FYTTD1: variants seen among roughly 807,000 people sequenced by gnomAD.
FYTTD1 encodes UAP56-interacting factor.
In FYTTD1, 22 loss-of-function variants were observed where a neutral mutation model predicts 40.9. The ratio of observed to expected loss-of-function variants is 0.54; its 90% CI spans 0.38 to 0.77. The LOEUF is 0.77. Ranked by LOEUF, FYTTD1 falls within the 30% of genes least tolerant of loss-of-function variation. FYTTD1 has a pLI of 0.00. For missense variants in FYTTD1, 351 were observed against 392.2 expected (o/e 0.90, Z 0.89); for synonymous variants, 140 against 137.9 (o/e 1.01, Z -0.10).
chr3:197,757,609 CA>C (rs1029643010), intron 2 of FYTTD1, among the ~76,000 whole-genome samples: 1 of 152,092 alleles, frequency 6.6e-6, no homozygotes, highest in African/African-American at 2.4e-5. Flanking sequence ...ACCCTGTCTC[CA>C]CAAAAAATTT....
intron 2 of FYTTD1, among the ~76,000 whole-genome samples, chr3:197,757,264 CTA>C (rs1473229804): frequency 6.6e-6 from 1 of 152,142 alleles, no homozygotes; most frequent in African/African-American, 2.4e-5. Context: ...TAATTGAACA[CTA>C]ATATATATGG....
chr3:197,764,778 T>C (rs1301735692), intron 2 of FYTTD1, among the ~76,000 whole-genome samples: 2 of 147,910 alleles, frequency 1.4e-5, no homozygotes, highest in Non-Finnish European at 1.5e-5. Flanking sequence ...GAAAGATTGA[T>C]AAGTATGGGA....
intron 1 of FYTTD1, chr3:197,750,341 CCGAAGGTT>C: frequency 1.1e-5 from 13 of 1,145,502 alleles, no homozygotes; most frequent in Non-Finnish European, 1.4e-5. Context: ...CGCTGCGGGC[CCGAAGGTT>C]CGCAGGGTCG....
intron 6 of FYTTD1, among the ~76,000 whole-genome samples, chr3:197,775,078 TTTTC>T (rs1428979862): frequency 2.0e-5 from 3 of 152,204 alleles, no homozygotes; most frequent in African/African-American, 7.2e-5. Context: ...TGAAACAGCT[TTTTC>T]TTTTTCTTTT....
intron 8 of FYTTD1, 85 bp downstream of exon 8, chr3:197,778,549 A>G: frequency 1.0e-6 from 1 of 955,094 alleles, no homozygotes; most frequent in Non-Finnish European, 1.6e-6. Flanking sequence ...TGAATTATAA[A>G]CAAGGTATCC....
chr3:197,762,959 T>C (rs1417670596), intron 2 of FYTTD1, among the ~76,000 whole-genome samples: 1 of 152,150 alleles, frequency 6.6e-6, no homozygotes, highest in Non-Finnish European at 1.5e-5. Context: ...CCGTGATACA[T>C]GTTTACCTGT....
rs192663761 is a variant in FYTTD1 at position 197,771,583 on chromosome 3, C to T, written c.497+1339C>T. 3.3e-3 allele frequency among the ~76,000 whole-genome samples: 498 copies of T among 151,724 alleles called. 1 individual carries two copies. Among genetic ancestry groups the T allele is most frequent in the Admixed American group, 4.1e-3 (63 of 15,244 alleles). On this transcript the variant is annotated intron_variant, in intron 4 of 8. Coordinates refer to ENST00000241502, the MANE Select transcript of FYTTD1 (RefSeq NM_032288.7). ...CGAGGTCAGGAGATCGAGACCATCCCGGCTAAAAACGGTGAAACCCCGTCT... is the reference window on the plus strand; with the variant it reads ...CGAGGTCAGGAGATCGAGACCATCCTGGCTAAAAACGGTGAAACCCCGTCT...
At chr3:197,772,119 A>C (rs1363209587) in intron 4 of FYTTD1, among the ~76,000 whole-genome samples, 3 of 152,114 alleles carry the variant, frequency 2.0e-5, no homozygotes, top group Non-Finnish European at 2.9e-5. Context: ...AAAACAAAAA[A>C]TGGAATGGCT....
In FYTTD1 at chr3:197,782,022, C is replaced by T; in HGVS notation, c.*113C>T. On this transcript the variant is annotated 3_prime_UTR_variant, in exon 9 of 9. Transcript: ENST00000241502. ...TCAAAATATTCACAAGGCTAAATAA[C>T]TCTTATTTTTATTTTTGAAGGTTTT... is the stretch of plus-strand genomic sequence containing the variant. 1 of 488,688 alleles carries T rather than the reference C, an allele frequency of 2.0e-6. No individual in the cohort carries two copies. Among genetic ancestry groups the T allele is most frequent in the Non-Finnish European group, 3.5e-6 (1 of 284,474 alleles). 30.3% of individuals were successfully genotyped at this position (488,688 alleles called of 1,614,324 possible). A position where few individuals can be genotyped will look rare whatever the true frequency, so the allele number is the denominator to read the frequency against.
chr3:197,754,632 A>G (rs1422614045), intron 1 of FYTTD1, among the ~76,000 whole-genome samples: 1 of 149,098 alleles, frequency 6.7e-6, no homozygotes, highest in Non-Finnish European at 1.5e-5. Context: ...AATTAGGACT[A>G]TGGAGGAAAT....
At chr3:197,753,501 G>A (rs1333676938) in intron 1 of FYTTD1, among the ~76,000 whole-genome samples, 1 of 151,698 alleles carries the variant, frequency 6.6e-6, no homozygotes, top group Non-Finnish European at 1.5e-5. Flanking sequence ...TGCTATGGAA[G>A]AAACTTAAAA....
At chr3:197,770,312 G>T in intron 4 of FYTTD1, 68 bp downstream of exon 4, 1 of 977,686 alleles carries the variant, frequency 1.0e-6, no homozygotes, top group Non-Finnish European at 1.6e-6. Context: ...GTGGTGTGAA[G>T]AATGGATTTG....
intron 6 of FYTTD1, among the ~76,000 whole-genome samples, chr3:197,774,458 C>T (rs1729811578): frequency 6.6e-6 from 1 of 152,192 alleles, no homozygotes; most frequent in South Asian, 2.1e-4. Flanking sequence ...ATCGCCACTG[C>T]ACACCAGCCT....
intron 1 of FYTTD1, among the ~76,000 whole-genome samples, chr3:197,751,828 A>G (rs1250413824): frequency 1.3e-5 from 2 of 152,068 alleles, no homozygotes; most frequent in African/African-American, 2.4e-5. Context: ...CCAGAACCAC[A>G]TTGTCTCAGT....
At chr3:197,756,739 G>C (rs187910223) in intron 2 of FYTTD1, among the ~76,000 whole-genome samples, 182 bp downstream of exon 2, 16 of 152,290 alleles carry the variant, frequency 1.1e-4, no homozygotes, top group Admixed American at 3.9e-4. Flanking sequence ...TTCAATAGAC[G>C]TAACACTGTC....
intron 5 of FYTTD1, 33 bp downstream of exon 5, chr3:197,773,532 T>TTTG (rs1451240787): frequency 1.6e-6 from 2 of 1,272,312 alleles, no homozygotes; most frequent in African/African-American, 3.0e-5. Flanking sequence ...TTTTTGTTTG[T>TTTG]TTGTTTGTTT....
In FYTTD1 at chr3:197,781,814, G is replaced by A. The variant is rs746283098; in HGVS notation, c.862G>A (p.Gly288Arg). ...FDINSVGKQT[G>R]MTLNERFGIL... ...TTTGTTTTTTTCTTTTCTCTAGACA[G>A]GGATGACGTTGAATGAGCGGTTTGG... The change falls in exon 9 of 9, where the codon GGG becomes AGG. Residue 288 changes from glycine to arginine, a missense_variant. Physicochemically the swap from Gly to Arg is moderately radical, Grantham distance 125. Coordinates refer to ENST00000241502, the MANE Select transcript of FYTTD1 (RefSeq NM_032288.7). 1 of 1,601,004 alleles carries A rather than the reference G, an allele frequency of 6.2e-7. No individual in the cohort carries two copies. The highest frequency in any genetic ancestry group is 1.7e-5 in the Admixed American group (1 of 59,362).
At chr3:197,775,590 T>C (rs1476855782) in intron 6 of FYTTD1, among the ~76,000 whole-genome samples, 1 of 152,256 alleles carries the variant, frequency 6.6e-6, no homozygotes, top group African/African-American at 2.4e-5. Context: ...GTTTTCATTC[T>C]GCGGTTGCAA....
chr3:197,771,130 G>C (rs1368455405), intron 4 of FYTTD1, among the ~76,000 whole-genome samples: 2 of 152,114 alleles, frequency 1.3e-5, no homozygotes, highest in Non-Finnish European at 2.9e-5. Flanking sequence ...TGAGGCAGGA[G>C]GATCACATGA....
Sources: allele counts gnomAD v4.1 joint callset (sites outside exome capture counted in the v4.1 genomes callset), GRCh38; gene constraint gnomAD v4.1.1; transcripts MANE v1.5; gene names NCBI Gene and HGNC (gene_info 2026-07-23, HGNC 2026-07-21).